Variants in PARL observed in about 807,000 individuals in gnomAD.
PARL encodes presenilin associated rhomboid like.
A neutral mutation model predicts 51.6 loss-of-function variants in PARL; 44 were observed. The ratio of observed to expected loss-of-function variants is 0.85; its 90% CI spans 0.67 to 1.10. PARL has a LOEUF of 1.10. Among genes scored for constraint, PARL ranks in the 50% least tolerant of loss-of-function variants. PARL has a pLI of 0.00. For synonymous variants in PARL, 172 were observed against 164.0 expected, an observed-to-expected ratio of 1.05 and a Z score of -0.37; for missense variants, 441 against 469.5, an observed-to-expected ratio of 0.94 and a Z score of 0.56.
At chr3:183,883,612 A>T in intron 1 of PARL, 1 of 984,950 alleles carries the variant, frequency 1.0e-6, no homozygotes, top group Non-Finnish European at 1.2e-6. Context: ...ATGCAATCTC[A>T]AATGGGATTA....
intron 4 of PARL, chr3:183,846,786 A>G (rs1475167593): frequency 5.2e-6 from 1 of 192,778 alleles, no homozygotes; most frequent in East Asian, 1.9e-4. Context: ...CATAAGACAC[A>G]CTTAACAAAT....
At chr3:183,860,250 A>G (rs996066318) in intron 4 of PARL, among the ~76,000 whole-genome samples, 1 of 152,202 alleles carries the variant, frequency 6.6e-6, no homozygotes, top group Admixed American at 6.5e-5. Context: ...GGAAGAAGAC[A>G]AGACATACTA....
chr3:183,881,093 G>A (rs1385187865), intron 1 of PARL, among the ~76,000 whole-genome samples: 1 of 151,058 alleles, frequency 6.6e-6, no homozygotes, highest in African/African-American at 2.4e-5. Flanking sequence ...TGGGACTGCA[G>A]GCCTGTGCCA....
Position 183,856,586 on chromosome 3 carries a change from T to C in PARL, c.511+6167A>G, listed in dbSNP as rs535002346. ...AGAAGAAACCCAGAGAGACTGTCCA[T>C]CTTCCATCCTCCCACTGGGATAGAG... On this transcript the variant is annotated intron_variant, in intron 4 of 9. Coordinates refer to ENST00000317096, the MANE Select transcript of PARL (RefSeq NM_018622.7). 3.9e-5 allele frequency: 6 copies of C among 152,410 alleles called. No individual in the cohort carries two copies. The East Asian group carries it at 1.2e-3, about 29-fold the overall frequency. 9.4% of individuals were successfully genotyped at this position (152,410 alleles called of 1,614,324 possible).
intron 1 of PARL, among the ~76,000 whole-genome samples, chr3:183,880,532 G>C (rs977387916): frequency 6.6e-6 from 1 of 152,012 alleles, no homozygotes; most frequent in Non-Finnish European, 1.5e-5. Flanking sequence ...CTCCCAAGTA[G>C]CTGAGATTAC....
At position 183,883,192 on chromosome 3, in the gene PARL, C is replaced by A. The variant is rs143326173; in HGVS notation, c.125+1530G>T. Reference sequence around the variant, plus strand: ...GGCTCATTAGTTTTCTTTTGCTTCCCCTTCCTAAAACCAATACGGTGATGT... The same window carrying A: ...GGCTCATTAGTTTTCTTTTGCTTCCACTTCCTAAAACCAATACGGTGATGT... On this transcript the variant is annotated intron_variant, in intron 1 of 9. Coordinates refer to ENST00000317096, the MANE Select transcript of PARL (RefSeq NM_018622.7). 3.6e-3 allele frequency among the ~76,000 whole-genome samples: 545 copies of A among 152,268 alleles called. 3 individuals are homozygous for A. Among genetic ancestry groups the A allele is most frequent in the African/African-American group, 0.012 (519 of 41,554 alleles).
chr3:183,850,886 T>C (rs899906245), intron 4 of PARL, among the ~76,000 whole-genome samples: 3 of 152,188 alleles, frequency 2.0e-5, no homozygotes, highest in Non-Finnish European at 4.4e-5. Flanking sequence ...TCACAATTCA[T>C]AGTTTCAGAA....
At chr3:183,879,686 TTC>T in intron 1 of PARL, 2 of 953,316 alleles carry the variant, frequency 2.1e-6, no homozygotes, top group Non-Finnish European at 2.5e-6. Flanking sequence ...AAGGTACATT[TTC>T]TCTTTTTAAT....
At chr3:183,875,007 G>T (rs1252662277) in intron 1 of PARL, among the ~76,000 whole-genome samples, 1 of 152,234 alleles carries the variant, frequency 6.6e-6, no homozygotes, top group Non-Finnish European at 1.5e-5. Flanking sequence ...AGGAGGTCAA[G>T]GTTGCAGTGA....
At chr3:183,838,955 T>C (rs944344102) in intron 7 of PARL, among the ~76,000 whole-genome samples, 2 of 152,252 alleles carry the variant, frequency 1.3e-5, no homozygotes, top group African/African-American at 4.8e-5. Flanking sequence ...TCTCCCCAGC[T>C]AAATTCGAAT....
chr3:183,835,058 C>CA (rs1001718110), intron 7 of PARL, among the ~76,000 whole-genome samples: 4 of 150,062 alleles, frequency 2.7e-5, no homozygotes, highest in Non-Finnish European at 4.4e-5. Context: ...GACTCTGTCT[C>CA]AAAACAAAAC....
At chr3:183,846,292 G>A (rs1729943840) in intron 4 of PARL, among the ~76,000 whole-genome samples, 1 of 152,076 alleles carries the variant, frequency 6.6e-6, no homozygotes, top group South Asian at 2.1e-4. Context: ...TCGGGAGTTC[G>A]AGACCAGCCT....
At chr3:183,848,129 C>T (rs1471369586) in intron 4 of PARL, among the ~76,000 whole-genome samples, 1 of 152,242 alleles carries the variant, frequency 6.6e-6, no homozygotes, top group Non-Finnish European at 1.5e-5. Context: ...TCAGAATCAA[C>T]CTTTTCAGAA....
In PARL at chr3:183,840,606, T is replaced by C. The variant is rs765433964; in HGVS notation, c.792A>G (p.Lys264=). 2.6e-6 allele frequency: 4 copies of C among 1,567,572 alleles called. No individual in the cohort carries two copies. Among genetic ancestry groups the C allele is most frequent in the Non-Finnish European group, 2.6e-6 (3 of 1,143,166 alleles). The change falls in exon 7 of 10, where the codon AAA becomes AAG. Residue 264 remains lysine, a synonymous_variant. Transcript: ENST00000317096. Reference sequence around the variant, plus strand: ...ATGGTCCATATCTTCCTGTGGCAACTTTACCCACGTAACTGACAAAATTGG... The same window carrying C: ...ATGGTCCATATCTTCCTGTGGCAACCTTACCCACGTAACTGACAAAATTGG... ...VISNFVSYVG[K]VATGRYGPSL...
At chr3:183,835,968 A>T (rs1239337882) in intron 7 of PARL, among the ~76,000 whole-genome samples, 5 of 152,090 alleles carry the variant, frequency 3.3e-5, no homozygotes, top group Non-Finnish European at 5.9e-5. Flanking sequence ...CTGTAATCCC[A>T]GGACTTTGGG....
At chr3:183,862,281 G>A (rs1276588474) in intron 4 of PARL, among the ~76,000 whole-genome samples, 1 of 152,168 alleles carries the variant, frequency 6.6e-6, no homozygotes, top group Non-Finnish European at 1.5e-5. Context: ...GGACAGACTT[G>A]GGTTTTGAAA....
chr3:183,862,497 C>A, intron 4 of PARL: 1 of 450,396 alleles, frequency 2.2e-6, no homozygotes, highest in Non-Finnish European at 4.0e-6. Flanking sequence ...TAAGCTATTC[C>A]ACAAGCTGGA....
intron 4 of PARL, among the ~76,000 whole-genome samples, chr3:183,853,590 C>CA (rs934250582): frequency 3.0e-3 from 450 of 151,040 alleles, no homozygotes; most frequent in African/African-American, 9.8e-3. Context: ...AACTCAACAA[C>CA]AAAAAAAAAT....
intron 1 of PARL, among the ~76,000 whole-genome samples, chr3:183,873,516 G>C (rs1202037327): frequency 6.7e-6 from 1 of 150,118 alleles, no homozygotes; most frequent in Non-Finnish European, 1.5e-5. Context: ...TCCAGTGTGA[G>C]AGCTCCTGAG....
Sources: allele counts gnomAD v4.1 joint callset (sites outside exome capture counted in the v4.1 genomes callset), GRCh38; gene constraint gnomAD v4.1.1; transcripts MANE v1.5; gene names NCBI Gene and HGNC (gene_info 2026-07-23, HGNC 2026-07-21).